METAP1: variants seen among roughly 807,000 people sequenced by gnomAD.
METAP1 encodes the protein methionyl aminopeptidase 1.
In METAP1, 28 loss-of-function variants were observed where a neutral mutation model predicts 53.8. That is an observed-to-expected ratio of 0.52 (90% CI 0.39 to 0.71). The LOEUF (loss-of-function observed/expected upper bound fraction) is 0.71. Among genes scored for constraint, METAP1 ranks in the 30% least tolerant of loss-of-function variants. The pLI is 0.00. For synonymous variants in METAP1, 181 were observed against 165.7 expected (o/e 1.09, Z -0.71); for missense variants, 389 against 479.8 (o/e 0.81, Z 1.77).
At chr4:99,046,936 C>CAAAAAAA (rs56702946) in intron 8 of METAP1, among the ~76,000 whole-genome samples, 1,406 of 81,328 alleles carry the variant, frequency 0.017, 1 homozygote, top group East Asian at 0.055. Context: ...ACTGAAGAAA[C>CAAAAAAA]AAAAAAAAAA....
intron 1 of METAP1, chr4:99,025,218 A>G (rs1202951607): frequency 6.8e-6 from 2 of 295,896 alleles, no homozygotes; most frequent in Admixed American, 1.3e-4. Context: ...GTTTTTCCCA[A>G]AGTTAGTTTG....
chr4:99,040,896 CATATA>C (rs1319012249), intron 5 of METAP1, 142 bp from the exon 6 acceptor site: 129 of 279,374 alleles, frequency 4.6e-4, no homozygotes, highest in East Asian at 4.8e-4. Context: ...TATGTATTTA[CATATA>C]ATATATTTAT....
rs190954377 is a variant in METAP1 at position 99,035,914 on chromosome 4, A to G, written c.340+454A>G. On this transcript the variant is annotated intron_variant, in intron 4 of 10. Transcript: ENST00000296411. ...AATGATATGATGATGATGGTTCTCT[A>G]ATAATAACTGGTATTTATTTTTGCT... is the stretch of plus-strand genomic sequence containing the variant. 325 of 154,938 alleles carry G rather than the reference A, an allele frequency of 2.1e-3. 1 individual carries two copies. The highest frequency in any genetic ancestry group is 3.2e-3 in the Admixed American group (49 of 15,418). 9.6% of individuals were successfully genotyped at this position (154,938 alleles called of 1,614,324 possible). A position where few individuals can be genotyped will look rare whatever the true frequency, so the allele number is the denominator to read the frequency against.
intron 10 of METAP1, among the ~76,000 whole-genome samples, 186 bp from the exon 11 acceptor site, chr4:99,060,967 TG>T (rs1278639778): frequency 1.3e-5 from 2 of 152,208 alleles, no homozygotes; most frequent in Non-Finnish European, 2.9e-5. Flanking sequence ...AAAATGTGGT[TG>T]TAATACATCT....
chr4:99,018,596 A>G (rs1476176445), intron 1 of METAP1, among the ~76,000 whole-genome samples: 1 of 152,192 alleles, frequency 6.6e-6, no homozygotes, highest in Non-Finnish European at 1.5e-5. Flanking sequence ...CTTTAAGTCT[A>G]TTACAGTAAA....
In METAP1 at chr4:99,023,853, A is replaced by C. The variant is rs573981133; in HGVS notation, c.115-5014A>C. On this transcript the variant is annotated intron_variant, in intron 1 of 10. Transcript: ENST00000296411. ...CTAGACAGAGCTGATTATCAAGACA[A>C]GGGAATTGCAGTAGAGAAAGAGTTA... is the stretch of plus-strand genomic sequence containing the variant. The C allele has an allele frequency of 3.5e-6, 3 of 855,972 alleles. No homozygotes were observed. In the South Asian group the frequency reaches 1.6e-4, roughly 46 times the overall value. 53.0% of individuals were successfully genotyped at this position (855,972 alleles called of 1,614,324 possible). A position where few individuals can be genotyped will look rare whatever the true frequency, so the allele number is the denominator to read the frequency against.
chr4:99,031,662 A>G (rs1327382463), intron 2 of METAP1: 1 of 1,071,758 alleles, frequency 9.3e-7, no homozygotes, highest in Non-Finnish European at 1.3e-6. Context: ...TACCATGCAT[A>G]GTAAGTACTC....
At chr4:99,021,942 G>A (rs903118016) in intron 1 of METAP1, among the ~76,000 whole-genome samples, 10 of 152,126 alleles carry the variant, frequency 6.6e-5, no homozygotes, top group African/African-American at 2.4e-4. Flanking sequence ...ACATTTAACC[G>A]GGGAATGATA....
intron 9 of METAP1, among the ~76,000 whole-genome samples, chr4:99,056,978 G>C (rs950883499): frequency 2.6e-5 from 4 of 152,080 alleles, no homozygotes; most frequent in African/African-American, 9.7e-5. Flanking sequence ...GTGATTCCCT[G>C]CTTCAGCCTC....
intron 1 of METAP1, among the ~76,000 whole-genome samples, chr4:99,016,456 A>C (rs1042817569): frequency 4.6e-5 from 7 of 152,132 alleles, no homozygotes; most frequent in Non-Finnish European, 8.8e-5. Context: ...TATGTCCAGC[A>C]CCTGGGCCAG....
chr4:98,999,107 G>A (rs962908511), intron 1 of METAP1, among the ~76,000 whole-genome samples: 2 of 151,912 alleles, frequency 1.3e-5, no homozygotes. Flanking sequence ...ATGCCCGGCC[G>A]AGAATGTCTG....
chr4:99,040,041 A>G (rs1725747007), intron 5 of METAP1, among the ~76,000 whole-genome samples: 1 of 152,208 alleles, frequency 6.6e-6, no homozygotes, highest in Admixed American at 6.5e-5. Context: ...CATGCTTTTC[A>G]TTAAACTATT....
intron 5 of METAP1, among the ~76,000 whole-genome samples, chr4:99,040,696 T>C (rs939280465): frequency 1.3e-5 from 2 of 150,266 alleles, no homozygotes; most frequent in African/African-American, 4.9e-5. Context: ...GATCTCACTA[T>C]GTTGCCCAGG....
chr4:99,045,050 T>G, intron 7 of METAP1, 129 bp from the exon 8 acceptor site: 3 of 859,716 alleles, frequency 3.5e-6, no homozygotes, highest in East Asian at 2.9e-5. Flanking sequence ...TATCTATCCA[T>G]TGGTGTCTAA....
chr4:99,039,574 G>T (rs1439956148), intron 5 of METAP1, 109 bp downstream of exon 5: 11 of 579,554 alleles, frequency 1.9e-5, no homozygotes, highest in South Asian at 3.0e-5. Context: ...TTGTTAGACT[G>T]ACCAGCCATG....
At chr4:99,020,463 T>A (rs1724036414) in intron 1 of METAP1, among the ~76,000 whole-genome samples, 1 of 152,080 alleles carries the variant, frequency 6.6e-6, no homozygotes, top group Non-Finnish European at 1.5e-5. Context: ...TAAGGAGATA[T>A]CAGAGACTTC....
rs1395085092 is a variant in METAP1 at position 99,041,137 on chromosome 4, C to G, written c.516+11C>G. ...CACGCTGTACACTTAGTAAGAACTT[C>G]ACTTTTTTACTTTGAGTAATTTTGT... On this transcript the variant is annotated intron_variant, in intron 6 of 10. Coordinates refer to ENST00000296411, the MANE Select transcript of METAP1 (RefSeq NM_015143.3). 1 of 1,537,194 alleles carries G rather than the reference C, an allele frequency of 6.5e-7. No homozygotes were observed. The highest frequency in any genetic ancestry group is 2.3e-5 in the East Asian group (1 of 43,768).
chr4:99,004,850 G>T (rs771659827), intron 1 of METAP1, among the ~76,000 whole-genome samples: 3 of 151,916 alleles, frequency 2.0e-5, no homozygotes, highest in Non-Finnish European at 2.9e-5. Flanking sequence ...TTGTAGCTCT[G>T]GTTCATTTTC....
rs756631478 is a variant in METAP1, at chr4:99,061,321, C to A, written c.*4C>A. ...TCACTTCATGTCTCAATTTTAATTT[C>A]TCCCAAGATGGCACATCTCAGTACC... On this transcript the variant is annotated 3_prime_UTR_variant, in exon 11 of 11. Coordinates refer to ENST00000296411, the MANE Select transcript of METAP1 (RefSeq NM_015143.3). The A allele has an allele frequency of 1.2e-6, 2 of 1,611,284 alleles. No homozygotes were observed. Among genetic ancestry groups the A allele is most frequent in the African/African-American group, 1.3e-5 (1 of 74,848 alleles).
Sources: gnomAD v4.1 joint callset for allele counts (sites outside exome capture counted in the v4.1 genomes callset) on GRCh38, gnomAD v4.1.1 for gene constraint, MANE v1.5 for transcripts, NCBI Gene and HGNC (gene_info 2026-07-23, HGNC 2026-07-21) for gene names.